Variants in PTK2 observed in about 807,000 individuals in gnomAD.
The protein encoded by PTK2 is protein tyrosine kinase 2.
PTK2 carries 45 observed loss-of-function variants against 150.1 expected under a neutral mutation model. That is an observed-to-expected ratio of 0.30 (90% CI 0.24 to 0.38). PTK2 has a LOEUF of 0.38. PTK2 is among the 10% of genes least tolerant of loss of function. The pLI is 1.00. For synonymous variants in PTK2, 432 were observed against 449.2 expected, an observed-to-expected ratio of 0.96 and a Z score of 0.48; for missense variants, 919 against 1,307.3, an observed-to-expected ratio of 0.70 and a Z score of 4.58.
intron 1 of PTK2, among the ~76,000 whole-genome samples, chr8:140,994,459 A>G (rs971079137): frequency 2.0e-5 from 3 of 152,220 alleles, no homozygotes; most frequent in Non-Finnish European, 4.4e-5. Context: ...AATTCTCACA[A>G]TATTTCAAAC....
chr8:140,975,252 G>C (rs2100188846), intron 1 of PTK2, among the ~76,000 whole-genome samples: 1 of 152,112 alleles, frequency 6.6e-6, no homozygotes, highest in African/African-American at 2.4e-5. Context: ...CTTCCTTACT[G>C]ATCTTGTGCC....
At chr8:140,864,715 C>T (rs41288630) in intron 4 of PTK2, among the ~76,000 whole-genome samples, 31,352 of 152,036 alleles carry the variant, frequency 0.21, 3,813 homozygotes, top group East Asian at 0.48. Context: ...ACATCTTCCA[C>T]GACTTCCCAC....
chr8:140,870,600 T>C (rs1599668094), intron 4 of PTK2, among the ~76,000 whole-genome samples: 1 of 151,894 alleles, frequency 6.6e-6, no homozygotes, highest in African/African-American at 2.4e-5. Flanking sequence ...ACGGACAAAA[T>C]CCAGATGAGG....
chr8:140,803,523 T>C lies in PTK2; in HGVS notation c.975+20A>G. On this transcript the variant is annotated intron_variant, in intron 11 of 31. Coordinates refer to ENST00000522684, the Ensembl canonical transcript of PTK2. ...CTATTTAACCATTTTCCCTTAATGATGAACGTAACAGTTCCTTACCTCGGG... is the reference window on the plus strand; with the variant it reads ...CTATTTAACCATTTTCCCTTAATGACGAACGTAACAGTTCCTTACCTCGGG... The C allele has an allele frequency of 6.4e-7, 1 of 1,573,156 alleles. No individual in the cohort carries two copies. Among genetic ancestry groups the C allele is most frequent in the South Asian group, 1.1e-5 (1 of 90,150 alleles).
intron 1 of PTK2, among the ~76,000 whole-genome samples, chr8:140,989,693 A>C (rs1480868279): frequency 6.6e-6 from 1 of 151,886 alleles, no homozygotes; most frequent in Admixed American, 6.6e-5. Flanking sequence ...CGGATCACCT[A>C]AGGAGAGGAA....
intron 1 of PTK2, among the ~76,000 whole-genome samples, chr8:140,932,111 C>G (rs1287919583): frequency 1.3e-5 from 2 of 152,170 alleles, no homozygotes. Flanking sequence ...TCTCCTCAAC[C>G]ACATGACTCT....
In PTK2 at chr8:140,905,363, C is replaced by A. The variant is rs867075753; in HGVS notation, c.-32-14594G>T. Among the ~76,000 whole-genome samples, 8 of 151,500 alleles carry A rather than the reference C, an allele frequency of 5.3e-5. No individual in the cohort carries two copies. In the South Asian group the frequency reaches 8.3e-4, roughly 16 times the overall value. On this transcript the variant is annotated intron_variant, in intron 2 of 31. Coordinates refer to ENST00000522684, the Ensembl canonical transcript of PTK2. ...AGCACATGGAAAGCAAAAAAAAAAG[C>A]AGAGGTTGCAATCCTAGTCTCTGAT...
intron 8 of PTK2, among the ~76,000 whole-genome samples, chr8:140,823,670 C>T (rs1308066502): frequency 6.6e-6 from 1 of 152,190 alleles, no homozygotes; most frequent in Non-Finnish European, 1.5e-5. Context: ...TTCCTATACC[C>T]CTTCCCTTTG....
intron 10 of PTK2, among the ~76,000 whole-genome samples, chr8:140,810,678 G>A (rs755450336): frequency 1.1e-4 from 17 of 152,140 alleles, no homozygotes; most frequent in Non-Finnish European, 1.9e-4. Flanking sequence ...ACATGTGCAC[G>A]CAACCCCAAA....
chr8:140,809,156 C>T (rs1255239719), intron 10 of PTK2, among the ~76,000 whole-genome samples: 1 of 152,064 alleles, frequency 6.6e-6, no homozygotes, highest in Non-Finnish European at 1.5e-5. Context: ...AACAAGAATA[C>T]ATTTTAAAGA....
intron 2 of PTK2, among the ~76,000 whole-genome samples, chr8:140,896,848 T>C (rs1454695561): frequency 6.6e-6 from 1 of 150,920 alleles, no homozygotes; most frequent in Admixed American, 6.7e-5. Flanking sequence ...CTATCATTAT[T>C]CATAAACTAT....
intron 7 of PTK2, among the ~76,000 whole-genome samples, chr8:140,830,758 C>T (rs1274804935): frequency 6.6e-6 from 1 of 152,010 alleles, no homozygotes. Context: ...AATAGAAATC[C>T]TTTTGGTTTT....
chr8:140,782,684 C>G (rs2100082532), intron 14 of PTK2, among the ~76,000 whole-genome samples: 1 of 151,282 alleles, frequency 6.6e-6, no homozygotes, highest in East Asian at 1.9e-4. Context: ...TTCCTAAAAG[C>G]TAGCATTTAA....
intron 1 of PTK2, among the ~76,000 whole-genome samples, chr8:140,942,188 A>G (rs1027139539): frequency 3.9e-5 from 6 of 152,196 alleles, no homozygotes; most frequent in African/African-American, 1.2e-4. Context: ...CTTACTATGT[A>G]CATTCTTAAT....
At chr8:140,861,463 T>C (rs1364811660) in intron 5 of PTK2, among the ~76,000 whole-genome samples, 2 of 149,414 alleles carry the variant, frequency 1.3e-5, no homozygotes, top group Non-Finnish European at 3.0e-5. Context: ...CAGCAAAGAG[T>C]GGGGTGGAGG....
At chr8:140,819,183 G>T (rs774319373) in intron 8 of PTK2, among the ~76,000 whole-genome samples, 163 bp from the exon 9 acceptor site, 2 of 152,082 alleles carry the variant, frequency 1.3e-5, no homozygotes, top group Non-Finnish European at 2.9e-5. Flanking sequence ...ATTTATCAAA[G>T]CTTTATTCTT....
At chr8:140,770,735 G>A (rs2100075006) in intron 14 of PTK2, 4 of 1,350,732 alleles carry the variant, frequency 3.0e-6, no homozygotes, top group Non-Finnish European at 3.9e-6. Context: ...GAGGATCATG[G>A]GAACAGAAGA....
intron 2 of PTK2, among the ~76,000 whole-genome samples, chr8:140,902,538 G>A (rs1352193002): frequency 1.3e-5 from 2 of 152,182 alleles, no homozygotes; most frequent in South Asian, 2.1e-4. Flanking sequence ...TTGCCACACT[G>A]TCTTCCACAA....
At chr8:140,984,819 C>T (rs564339360) in intron 1 of PTK2, among the ~76,000 whole-genome samples, 51 of 152,272 alleles carry the variant, frequency 3.3e-4, no homozygotes, top group Non-Finnish European at 6.6e-4. Context: ...AACCCTTCCT[C>T]CTCCTAGAGT....
Sources: gnomAD v4.1 joint callset for allele counts (sites outside exome capture counted in the v4.1 genomes callset) on GRCh38, gnomAD v4.1.1 for gene constraint, MANE v1.5 for transcripts, NCBI Gene and HGNC (gene_info 2026-07-23, HGNC 2026-07-21) for gene names.